The following RPA3 variants were observed in gnomAD, a reference collection of about 807,000 sequenced individuals.
RPA3 encodes the protein replication protein A 14 kDa subunit.
In RPA3, 24 loss-of-function variants were observed where a neutral mutation model predicts 13.7. The ratio of observed to expected loss-of-function variants is 1.75; its 90% CI spans 1.27 to 2.46. The LOEUF is 2.46. RPA3 is among the 30% of genes most tolerant of loss of function. RPA3 has a pLI of 0.00. For synonymous variants in RPA3, 59 were observed against 51.2 expected (o/e 1.15, Z -0.65); for missense variants, 183 against 151.0 (o/e 1.21, Z -1.11).
chr7:7,659,347 C>G (rs1010203645), intron 4 of RPA3, among the ~76,000 whole-genome samples: 8 of 152,214 alleles, frequency 5.3e-5, no homozygotes, highest in African/African-American at 1.9e-4. Context: ...CTTCTGCTAG[C>G]TTTTGAATTT....
At position 7,636,871 on chromosome 7, in the gene RPA3, A is replaced by G. The variant is rs1445604760; in HGVS notation, c.*129T>C. The G allele has an allele frequency of 8.4e-6, 6 of 712,456 alleles. No individual in the cohort carries two copies. Among genetic ancestry groups the G allele is most frequent in the Admixed American group, 2.8e-5 (1 of 36,142 alleles). 44.1% of individuals were successfully genotyped at this position (712,456 alleles called of 1,614,324 possible). A position where few individuals can be genotyped will look rare whatever the true frequency, so the allele number is the denominator to read the frequency against. On this transcript the variant is annotated 3_prime_UTR_variant, in exon 8 of 8. Coordinates refer to ENST00000223129, the MANE Select transcript of RPA3 (RefSeq NM_002947.5). The stretch of plus-strand genomic sequence containing the variant: ...ATATATCAGTTCCATCAAAAACTCT[A>G]GGTTGGAATATCTTAAAAACAGCAA...
intron 4 of RPA3, among the ~76,000 whole-genome samples, chr7:7,671,766 C>G (rs1290686196): frequency 6.6e-6 from 1 of 151,018 alleles, no homozygotes; most frequent in South Asian, 2.1e-4. Context: ...TAGAGGCCAT[C>G]TCTCCTTGCT....
Position 7,640,537 on chromosome 7 carries a change from TC to T in RPA3, c.-120del. On this transcript the variant is annotated 5_prime_UTR_variant, in exon 5 of 8. Coordinates refer to ENST00000223129, the MANE Select transcript of RPA3 (RefSeq NM_002947.5). Reference sequence around the variant, plus strand: ...ATCAGCGAAGACTAGCGCTCCAGCTTCGCCAATTAAATGCGCGGAAACCTAA... The same window carrying T: ...ATCAGCGAAGACTAGCGCTCCAGCTTGCCAATTAAATGCGCGGAAACCTAA... 1 of 904,268 alleles carries T rather than the reference TC, an allele frequency of 1.1e-6. No individual in the cohort carries two copies. Among genetic ancestry groups the T allele is most frequent in the Non-Finnish European group, 1.7e-6 (1 of 573,164 alleles). 56.0% of individuals were successfully genotyped at this position (904,268 alleles called of 1,614,324 possible).
intron 2 of RPA3, among the ~76,000 whole-genome samples, chr7:7,695,246 G>A (rs1284149762): frequency 4.6e-5 from 7 of 152,114 alleles, no homozygotes; most frequent in Admixed American, 1.3e-4. Context: ...CCAAGTAGCC[G>A]TGCAATAATT....
chr7:7,646,257 A>G (rs1785090914), intron 4 of RPA3, among the ~76,000 whole-genome samples: 1 of 152,006 alleles, frequency 6.6e-6, no homozygotes, highest in African/African-American at 2.4e-5. Context: ...TGGGCATTTT[A>G]TTGAGTGATG....
intron 4 of RPA3, among the ~76,000 whole-genome samples, chr7:7,664,575 C>G (rs552611223): frequency 6.6e-6 from 1 of 152,240 alleles, no homozygotes; most frequent in African/African-American, 2.4e-5. Flanking sequence ...CTTTGCTTTC[C>G]TCTATACCCA....
chr7:7,667,517 G>GT (rs1779496065), intron 4 of RPA3, among the ~76,000 whole-genome samples: 2 of 152,072 alleles, frequency 1.3e-5, no homozygotes, highest in Non-Finnish European at 2.9e-5. Context: ...AGAGGTTGCA[G>GT]TTTTTTTTCC....
intron 4 of RPA3, among the ~76,000 whole-genome samples, chr7:7,655,253 C>G (rs770618271): frequency 3.3e-5 from 5 of 152,154 alleles, no homozygotes; most frequent in Non-Finnish European, 7.4e-5. Flanking sequence ...CCCCTTCCCC[C>G]AGTACTCTTT....
chr7:7,655,508 GCT>G (rs1173363467), intron 4 of RPA3, among the ~76,000 whole-genome samples: 2 of 152,170 alleles, frequency 1.3e-5, no homozygotes, highest in African/African-American at 4.8e-5. Context: ...CTGGCTTGAT[GCT>G]CTATAATTGA....
At chr7:7,644,367 T>TA (rs1785048483) in intron 4 of RPA3, among the ~76,000 whole-genome samples, 3 of 151,324 alleles carry the variant, frequency 2.0e-5, no homozygotes, top group Admixed American at 2.0e-4. Context: ...TTTTTTTTTT[T>TA]ATTAGGAAGA....
intron 4 of RPA3, among the ~76,000 whole-genome samples, chr7:7,679,743 T>C (rs901701295): frequency 6.8e-6 from 1 of 146,604 alleles, no homozygotes; most frequent in Non-Finnish European, 1.5e-5. Context: ...CACACACACA[T>C]ATTAAGAGGC....
intron 2 of RPA3, among the ~76,000 whole-genome samples, chr7:7,710,237 A>C (rs1463447552): frequency 6.6e-6 from 1 of 152,148 alleles, no homozygotes; most frequent in Non-Finnish European, 1.5e-5. Flanking sequence ...CAGTGCTGTT[A>C]CTGAACATTA....
At chr7:7,650,420 A>G (rs941245807) in intron 4 of RPA3, among the ~76,000 whole-genome samples, 6 of 152,322 alleles carry the variant, frequency 3.9e-5, no homozygotes, top group Admixed American at 3.9e-4. Flanking sequence ...AATTTCTTCC[A>G]AAACTAATGT....
chr7:7,690,843 T>A (rs536045374), intron 2 of RPA3, among the ~76,000 whole-genome samples: 1 of 152,346 alleles, frequency 6.6e-6, no homozygotes, highest in South Asian at 2.1e-4. Flanking sequence ...AAAGTTGGGT[T>A]AAATTTTCAC....
chr7:7,658,641 T>G (rs965055608), intron 4 of RPA3, among the ~76,000 whole-genome samples: 1 of 152,230 alleles, frequency 6.6e-6, no homozygotes, highest in Non-Finnish European at 1.5e-5. Flanking sequence ...TGAACCAGCC[T>G]TGCATCCCAT....
In RPA3 at chr7:7,639,072, G is replaced by A. The variant is rs1784910286; in HGVS notation, c.172C>T (p.Pro58Ser). 1 of 1,609,360 alleles carries A rather than the reference G, an allele frequency of 6.2e-7. No individual in the cohort carries two copies. The highest frequency in any genetic ancestry group is 1.3e-5 in the African/African-American group (1 of 74,684). ...GKNGTIELME[P>S]LDEEISGIVE... is the part of the protein sequence containing the mutation. ...GACTTATTAACACTTAAACATACGG[G>A]TTCCATCAACTCGATGGTTCCATTT... Residue 58 changes from proline to serine, a missense_variant and splice_region_variant, in exon 6 of 8, where the codon CCC (proline) becomes TCC (serine). Transcript: ENST00000223129.
chr7:7,673,352 C>T (rs771800996), intron 4 of RPA3: 2 of 1,282,294 alleles, frequency 1.6e-6, no homozygotes, highest in African/African-American at 1.5e-5. Context: ...GCAGCAGCAG[C>T]AGCAGCAGCA....
At chr7:7,689,839 G>A (rs909307244) in intron 2 of RPA3, among the ~76,000 whole-genome samples, 1 of 152,092 alleles carries the variant, frequency 6.6e-6, no homozygotes, top group Non-Finnish European at 1.5e-5. Flanking sequence ...GATATTGCTG[G>A]TACCAAGGGA....
At chr7:7,643,789 TCA>T (rs1193212994) in intron 4 of RPA3, among the ~76,000 whole-genome samples, 1 of 151,936 alleles carries the variant, frequency 6.6e-6, no homozygotes, top group African/African-American at 2.4e-5. Context: ...TCTTTAACCT[TCA>T]CATTCCCGCT....
Sources: gnomAD v4.1 joint callset for allele counts (sites outside exome capture counted in the v4.1 genomes callset) on GRCh38, gnomAD v4.1.1 for gene constraint, MANE v1.5 for transcripts, NCBI Gene and HGNC (gene_info 2026-07-23, HGNC 2026-07-21) for gene names.